The following XPO7 variants were observed in gnomAD, a reference collection of about 807,000 sequenced individuals.
XPO7 encodes the protein exportin-7.
XPO7 carries 21 observed loss-of-function variants against 144.3 expected under a neutral mutation model. The observed-to-expected ratio is 0.15, with a 90% confidence interval of 0.10 to 0.21. The LOEUF (loss-of-function observed/expected upper bound fraction) is 0.21, where lower values mean the gene tolerates loss of function less well. Among genes scored for constraint, XPO7 ranks in the 10% least tolerant of loss-of-function variants. The pLI is 1.00. For synonymous variants in XPO7, 580 were observed against 499.6 expected (o/e 1.16, Z -2.15); for missense variants, 808 against 1,325.8 (o/e 0.61, Z 6.06).
chr8:21,930,921 A>T (rs556600791), intron 1 of XPO7, among the ~76,000 whole-genome samples: 89 of 152,272 alleles, frequency 5.8e-4, no homozygotes, highest in African/African-American at 2.1e-3. Context: ...GCTCACTGCA[A>T]CCTCTGCCTT....
chr8:21,990,744 AT>A, intron 17 of XPO7, 66 bp from the exon 18 acceptor site: 1 of 1,482,576 alleles, frequency 6.7e-7, no homozygotes, highest in Non-Finnish European at 9.4e-7. Context: ...TAATTCTCTG[AT>A]TACTGGCTTG....
chr8:21,994,176 C>T (rs1812863705), intron 19 of XPO7, among the ~76,000 whole-genome samples, 187 bp from the exon 20 acceptor site: 1 of 152,108 alleles, frequency 6.6e-6, no homozygotes, highest in South Asian at 2.1e-4. Flanking sequence ...ACTTCCAAAA[C>T]AAACTTCCAC....
chr8:21,951,137 G>A (rs1483053146), intron 1 of XPO7, among the ~76,000 whole-genome samples: 1 of 151,984 alleles, frequency 6.6e-6, no homozygotes, highest in African/African-American at 2.4e-5. Flanking sequence ...CTAGCACAGG[G>A]ATCAGCATAT....
chr8:21,999,081 G>T lies in XPO7; in HGVS notation c.2429-10G>T. 1 of 1,613,898 alleles carries T rather than the reference G, an allele frequency of 6.2e-7. No individual in the cohort carries two copies. On this transcript the variant is annotated splice_polypyrimidine_tract_variant and intron_variant, in intron 22 of 27. Coordinates refer to ENST00000252512, the MANE Select transcript of XPO7 (RefSeq NM_015024.5). Reference sequence around the variant, plus strand: ...GTGGTTGAATAAACATATATGACATGTCTACTCAGGCAATCGCATCCTGAC... The same window carrying T: ...GTGGTTGAATAAACATATATGACATTTCTACTCAGGCAATCGCATCCTGAC...
intron 21 of XPO7, among the ~76,000 whole-genome samples, chr8:21,996,923 C>A (rs1812969064): frequency 6.6e-6 from 1 of 152,166 alleles, no homozygotes; most frequent in African/African-American, 2.4e-5. Context: ...ATTCTCCTGC[C>A]TCAGCCTCCC....
chr8:21,927,048 A>T (rs1313327226), intron 1 of XPO7, among the ~76,000 whole-genome samples: 1 of 152,090 alleles, frequency 6.6e-6, no homozygotes, highest in East Asian at 1.9e-4. Context: ...ATAAAACCAA[A>T]TTAAATTGTT....
intron 26 of XPO7, 36 bp downstream of exon 26, chr8:22,003,353 C>A: frequency 6.6e-7 from 1 of 1,524,168 alleles, no homozygotes; most frequent in Non-Finnish European, 9.0e-7. Context: ...AACCCAGAAG[C>A]AGTGGCAACC....
Position 21,982,615 on chromosome 8 carries a change from CTTCTGCTT to C in XPO7, c.1105-20_1105-13del. ...ACACGTACAGAAATGAAAAATATGC[CTTCTGCTT>C]TTCTACTTTTCTTTAGCACTGGGAA... On this transcript the variant is annotated splice_polypyrimidine_tract_variant and intron_variant, in intron 10 of 27. Transcript: ENST00000252512. 6.4e-7 allele frequency: 1 copy of C among 1,553,530 alleles called. No individual in the cohort carries two copies. The highest frequency in any genetic ancestry group is 1.2e-5 in the South Asian group (1 of 81,294).
chr8:21,953,760 C>T (rs1026018729), intron 1 of XPO7, among the ~76,000 whole-genome samples: 2 of 152,230 alleles, frequency 1.3e-5, no homozygotes, highest in African/African-American at 4.8e-5. Context: ...CTTGATGATA[C>T]ATGATGTTAA....
chr8:21,927,743 C>T (rs1207973097), intron 1 of XPO7, among the ~76,000 whole-genome samples: 1 of 152,026 alleles, frequency 6.6e-6, no homozygotes, highest in East Asian at 1.9e-4. Context: ...CGGAGTTTCT[C>T]CATGTTGGTC....
chr8:21,967,681 T>G (rs571512296), intron 2 of XPO7, among the ~76,000 whole-genome samples: 27 of 152,230 alleles, frequency 1.8e-4, no homozygotes, highest in African/African-American at 6.5e-4. Flanking sequence ...TCCTCAGTCT[T>G]CTCTGTGTTT....
intron 1 of XPO7, among the ~76,000 whole-genome samples, chr8:21,926,505 A>T (rs1042578757): frequency 6.6e-6 from 1 of 152,122 alleles, no homozygotes; most frequent in Non-Finnish European, 1.5e-5. Flanking sequence ...ATTGTTTGCA[A>T]AGTTTTGAAA....
At chr8:21,931,355 G>A (rs1444343242) in intron 1 of XPO7, among the ~76,000 whole-genome samples, 1 of 151,990 alleles carries the variant, frequency 6.6e-6, no homozygotes, top group Non-Finnish European at 1.5e-5. Context: ...TGGAGGTGGG[G>A]TTTCACCATG....
At position 21,999,592 on chromosome 8, in the gene XPO7, C is replaced by T. The variant is rs933520433; in HGVS notation, c.2700C>T (p.Asp900=). ...YYSLLEVLTQ[D]HMNFIASLEP... is the part of the protein sequence containing the mutation. The stretch of plus-strand genomic sequence containing the variant: ...CACTACTGGAAGTCCTGACCCAGGA[C>T]CATATGAACTTTATTGCAAGCCTGG... Residue 900 remains aspartate, a synonymous_variant, in exon 24 of 28, where the codon GAC becomes GAT. Coordinates refer to ENST00000252512, the MANE Select transcript of XPO7 (RefSeq NM_015024.5). 1.9e-6 allele frequency: 3 copies of T among 1,613,980 alleles called. No individual in the cohort carries two copies. The highest frequency in any genetic ancestry group is 2.5e-6 in the Non-Finnish European group (3 of 1,179,902).
At chr8:21,995,691 A>G (rs1163366869) in intron 21 of XPO7, 92 bp downstream of exon 21, 2 of 987,222 alleles carry the variant, frequency 2.0e-6, no homozygotes, top group African/African-American at 1.6e-5. Flanking sequence ...TGTGGGAAAT[A>G]ATAAGATTCA....
intron 1 of XPO7, among the ~76,000 whole-genome samples, chr8:21,927,283 C>T (rs916847751): frequency 1.3e-5 from 2 of 151,978 alleles, no homozygotes; most frequent in Non-Finnish European, 1.5e-5. Flanking sequence ...CATTATCCCA[C>T]AGGTGTTACA....
At chr8:21,942,889 G>A (rs962356435) in intron 1 of XPO7, among the ~76,000 whole-genome samples, 2 of 152,142 alleles carry the variant, frequency 1.3e-5, no homozygotes, top group African/African-American at 4.8e-5. Context: ...AACTAGCTGG[G>A]TTTTTGTTTT....
intron 1 of XPO7, among the ~76,000 whole-genome samples, chr8:21,944,924 G>A (rs1032304793): frequency 2.0e-5 from 3 of 152,072 alleles, no homozygotes; most frequent in African/African-American, 7.2e-5. Flanking sequence ...CGGGGATGGG[G>A]GTAAGGTTAT....
chr8:21,986,559 C>T (rs558330706), intron 13 of XPO7, among the ~76,000 whole-genome samples: 9 of 152,162 alleles, frequency 5.9e-5, no homozygotes, highest in African/African-American at 1.7e-4. Context: ...CAAAAGTCTC[C>T]GTAGCATTTT....
Sources: gnomAD v4.1 joint callset for allele counts (sites outside exome capture counted in the v4.1 genomes callset) on GRCh38, gnomAD v4.1.1 for gene constraint, MANE v1.5 for transcripts, NCBI Gene and HGNC (gene_info 2026-07-23, HGNC 2026-07-21) for gene names.